Variants in ADD3 observed in about 807,000 individuals in gnomAD.
The protein encoded by ADD3 is adducin 3.
Under a neutral mutation model 80.2 loss-of-function variants are expected in ADD3, and 25 were observed. The observed-to-expected ratio is 0.31, with a 90% CI of 0.23 to 0.44. ADD3 has a LOEUF of 0.44. ADD3 is among the 20% of genes least tolerant of loss of function. ADD3 has a pLI of 1.00. For synonymous variants in ADD3, 284 were observed against 289.6 expected (o/e 0.98, Z 0.20); for missense variants, 829 against 847.5 (o/e 0.98, Z 0.27).
upstream of ADD3, among the ~76,000 whole-genome samples, chr10:110,005,179 A>C (rs1184356166): frequency 6.6e-6 from 1 of 152,116 alleles, no homozygotes; most frequent in African/African-American, 2.4e-5. Flanking sequence ...TCTCTGCCTC[A>C]GCCTCCTAAG....
intron 1 of ADD3, among the ~76,000 whole-genome samples, chr10:110,082,884 C>A (rs961772339): frequency 6.6e-6 from 1 of 152,118 alleles, no homozygotes. Context: ...TATTCATTAC[C>A]TCAACCATCT....
At chr10:110,133,224 A>G in intron 14 of ADD3, 102 bp from the exon 15 acceptor site, 1 of 1,164,026 alleles carries the variant, frequency 8.6e-7, no homozygotes, top group Non-Finnish European at 1.2e-6. Flanking sequence ...ATTGGAATCA[A>G]AGTAATGCCT....
intron 1 of ADD3, among the ~76,000 whole-genome samples, chr10:110,034,550 AGG>A (rs1855424324): frequency 6.6e-6 from 1 of 152,096 alleles, no homozygotes; most frequent in East Asian, 1.9e-4. Flanking sequence ...TTGAGCTGAA[AGG>A]AAAACCAAAG....
At chr10:110,088,358 A>G (rs908277045) in intron 1 of ADD3, among the ~76,000 whole-genome samples, 1 of 152,200 alleles carries the variant, frequency 6.6e-6, no homozygotes. Context: ...ATTGATAAAA[A>G]TCTCTTTTTG....
intron 2 of ADD3, 146 bp downstream of exon 2, chr10:110,100,994 A>G (rs1848751444): frequency 1.6e-6 from 1 of 638,552 alleles, no homozygotes; most frequent in Admixed American, 3.6e-5. Flanking sequence ...CAAAGGAGAA[A>G]TGGACATCTA....
intron 1 of ADD3, among the ~76,000 whole-genome samples, chr10:110,089,140 A>G (rs780970736): frequency 3.3e-5 from 5 of 152,200 alleles, no homozygotes; most frequent in Non-Finnish European, 7.3e-5. Context: ...TAAAGTATGA[A>G]GTATGTGAGA....
chr10:110,025,361 T>C (rs1043493686), intron 1 of ADD3, among the ~76,000 whole-genome samples: 1 of 152,008 alleles, frequency 6.6e-6, no homozygotes, highest in Admixed American at 6.5e-5. Flanking sequence ...TAATTTTAGT[T>C]CGATATTTGT....
At chr10:110,056,121 A>C (rs1477825433) in intron 1 of ADD3, among the ~76,000 whole-genome samples, 2 of 152,180 alleles carry the variant, frequency 1.3e-5, no homozygotes, top group South Asian at 4.1e-4. Flanking sequence ...TTCCAGTGTT[A>C]ATGAGATAAC....
intron 1 of ADD3, among the ~76,000 whole-genome samples, chr10:110,018,819 A>G (rs1169837270): frequency 2.0e-5 from 3 of 152,200 alleles, no homozygotes; most frequent in Admixed American, 2.0e-4. Context: ...AATACATTAG[A>G]ATATGGCAGG....
chr10:110,000,916 A>G (rs1232617024), upstream of ADD3, among the ~76,000 whole-genome samples: 2 of 152,206 alleles, frequency 1.3e-5, no homozygotes, highest in Non-Finnish European at 2.9e-5. Flanking sequence ...AATTTTAGCC[A>G]CCATTAAATT....
chr10:110,019,005 A>G (rs145450966), intron 1 of ADD3, among the ~76,000 whole-genome samples: 1 of 152,316 alleles, frequency 6.6e-6, no homozygotes, highest in African/African-American at 2.4e-5. Flanking sequence ...AATCCTCATC[A>G]TTCCCAGCGC....
intron 1 of ADD3, among the ~76,000 whole-genome samples, chr10:110,044,468 C>T (rs1414587152): frequency 2.0e-5 from 3 of 152,124 alleles, no homozygotes; most frequent in Non-Finnish European, 4.4e-5. Flanking sequence ...TAGAATTTTC[C>T]ATACAAAATC....
At chr10:110,110,109 T>C (rs544592652) in intron 2 of ADD3, among the ~76,000 whole-genome samples, 2 of 152,366 alleles carry the variant, frequency 1.3e-5, no homozygotes, top group East Asian at 3.9e-4. Flanking sequence ...AACTGCTCCA[T>C]GAACTTAGGA....
intron 1 of ADD3, among the ~76,000 whole-genome samples, chr10:110,074,378 A>T (rs1845136210): frequency 6.6e-6 from 1 of 152,140 alleles, no homozygotes; most frequent in South Asian, 2.1e-4. Flanking sequence ...TTTGGAGTAG[A>T]CAGTTTGTCT....
At chr10:109,998,041 C>A (rs1407785382) in intron 1 of ADD3, among the ~76,000 whole-genome samples, 1 of 152,124 alleles carries the variant, frequency 6.6e-6, no homozygotes, top group Non-Finnish European at 1.5e-5. Context: ...AGGGATACAA[C>A]AATGAACACG....
chr10:110,026,079 A>G (rs976699978), intron 1 of ADD3, among the ~76,000 whole-genome samples: 2 of 152,178 alleles, frequency 1.3e-5, no homozygotes, highest in African/African-American at 4.8e-5. Context: ...GAAGCAAGTC[A>G]TGTACATGGT....
In ADD3 at chr10:110,116,258, G is replaced by T. The variant is rs1453616642; in HGVS notation, c.335-1G>T. ...TCTCTCCACATTTTTTGCTCTTTTA[G>T]GTCTTGGCATGGTCACACCTATCAA... On this transcript the variant is annotated splice_acceptor_variant, in intron 3 of 14. Coordinates refer to ENST00000356080, the MANE Select transcript of ADD3 (RefSeq NM_016824.5). LOFTEE classifies it high-confidence loss of function. 2 of 1,612,306 alleles carry T rather than the reference G, an allele frequency of 1.2e-6. No homozygotes were observed. The highest frequency in any genetic ancestry group is 8.5e-7 in the Non-Finnish European group (1 of 1,179,442).
intron 1 of ADD3, among the ~76,000 whole-genome samples, chr10:110,065,183 G>T (rs1564916479): frequency 6.6e-6 from 1 of 152,076 alleles, no homozygotes; most frequent in Non-Finnish European, 1.5e-5. Context: ...ACTTTTTAGT[G>T]AGACAGTGTT....
At chr10:110,068,173 G>A (rs376069209) in intron 1 of ADD3, among the ~76,000 whole-genome samples, 1 of 151,954 alleles carries the variant, frequency 6.6e-6, no homozygotes, top group African/African-American at 2.4e-5. Flanking sequence ...TCCCTATATT[G>A]TCTCTTCATC....
Sources: gnomAD v4.1 joint callset for allele counts (sites outside exome capture counted in the v4.1 genomes callset) on GRCh38, gnomAD v4.1.1 for gene constraint, MANE v1.5 for transcripts, NCBI Gene and HGNC (gene_info 2026-07-23, HGNC 2026-07-21) for gene names.